Variants in PAK3 observed in about 807,000 individuals in gnomAD.
PAK3 encodes p21 (RAC1) activated kinase 3, also known as serine/threonine-protein kinase PAK 3.
Under a neutral mutation model 41.0 loss-of-function variants are expected in PAK3, and 4 were observed. The ratio of observed to expected loss-of-function variants is 0.10; its 90% confidence interval spans 0.05 to 0.22. The LOEUF (loss-of-function observed/expected upper bound fraction) is 0.22, where lower values mean the gene tolerates loss of function less well. Ranked by LOEUF, PAK3 falls within the 10% of genes least tolerant of loss-of-function variation. The pLI is 1.00. For missense variants in PAK3, 205 were observed against 409.9 expected (o/e 0.50, Z 4.32); for synonymous variants, 146 against 139.6 (o/e 1.05, Z -0.32).
intron 1 of PAK3, among the ~76,000 whole-genome samples, chrX:111,071,928 A>C (rs1046648918): frequency 4.5e-5 from 5 of 112,113 alleles, no homozygotes; most frequent in African/African-American, 1.6e-4. Flanking sequence ...GTGACAAATG[A>C]TATCACCAAG....
In PAK3 at chrX:111,224,790, A is replaced by C. The variant is rs2094945380; in HGVS notation, c.*4343A>C. 8.9e-6 allele frequency: 1 copy of C among 112,534 alleles called. No homozygotes were observed. Among genetic ancestry groups the C allele is most frequent in the Admixed American group, 9.4e-5 (1 of 10,650 alleles). The allele number at this position is 112,534 out of a possible 1,213,427, so 9.3% of individuals were successfully genotyped here. ...TTTAATAATGAGGTAGTCACCTCAG[A>C]TATGCTGCTTAGTTTCACTAAAAGC... is the stretch of plus-strand genomic sequence containing the variant. On this transcript the variant is annotated 3_prime_UTR_variant, in exon 18 of 18. Transcript: ENST00000372007.
chrX:111,145,259 G>T (rs1420776257), intron 6 of PAK3, among the ~76,000 whole-genome samples: 1 of 112,325 alleles, frequency 8.9e-6, no homozygotes, highest in Non-Finnish European at 1.9e-5. Context: ...TGTCAGCAGT[G>T]TAGTCAAAAT....
At chrX:111,000,422 ACT>A (rs776776233) in intron 1 of PAK3, among the ~76,000 whole-genome samples, 1 of 112,191 alleles carries the variant, frequency 8.9e-6, no homozygotes, top group East Asian at 2.8e-4. Flanking sequence ...ATTGAGGGAA[ACT>A]CTACAAAATA....
At chrX:111,193,777 AC>A (rs2094584829) in intron 13 of PAK3, among the ~76,000 whole-genome samples, 1 of 92,017 alleles carries the variant, frequency 1.1e-5, no homozygotes, top group Admixed American at 1.1e-4. Flanking sequence ...AAAAACAAAA[AC>A]AAAAAAAAAC....
intron 16 of PAK3, among the ~76,000 whole-genome samples, chrX:111,206,148 C>A (rs1363594175): frequency 9.0e-6 from 1 of 111,223 alleles, no homozygotes; most frequent in African/African-American, 3.3e-5. Context: ...TTCTCTTTGT[C>A]CTCATTCCAC....
At chrX:111,155,247 T>C (rs914918494) in intron 8 of PAK3, among the ~76,000 whole-genome samples, 1 of 110,721 alleles carries the variant, frequency 9.0e-6, no homozygotes, top group Non-Finnish European at 1.9e-5. Flanking sequence ...ATGCCTGTAA[T>C]CCCAGCACTG....
chrX:111,026,495 C>G (rs1013030577), intron 1 of PAK3, among the ~76,000 whole-genome samples: 12 of 111,438 alleles, frequency 1.1e-4, no homozygotes, highest in African/African-American at 3.6e-4. Flanking sequence ...ATCAGTATCT[C>G]TGCTATACAC....
chrX:110,993,159 G>A (rs1389318350), intron 1 of PAK3, among the ~76,000 whole-genome samples: 1 of 111,625 alleles, frequency 9.0e-6, no homozygotes, highest in Non-Finnish European at 1.9e-5. Context: ...CTAAAATTGT[G>A]CTCTGTTTTT....
At chrX:110,968,101 G>A (rs538914074) in intron 1 of PAK3, among the ~76,000 whole-genome samples, 9 of 112,487 alleles carry the variant, frequency 8.0e-5, no homozygotes, top group African/African-American at 2.9e-4. Flanking sequence ...TTTGAGACTA[G>A]CTATTTTTAC....
At chrX:111,173,546 T>C (rs2094371414) in intron 11 of PAK3, among the ~76,000 whole-genome samples, 1 of 111,243 alleles carries the variant, frequency 9.0e-6, no homozygotes, top group African/African-American at 3.3e-5. Flanking sequence ...CAGAGTTGAC[T>C]ATCTGAGTAT....
intron 1 of PAK3, among the ~76,000 whole-genome samples, chrX:111,067,307 C>A (rs920844338): frequency 9.0e-6 from 1 of 111,455 alleles, no homozygotes; most frequent in Non-Finnish European, 1.9e-5. Flanking sequence ...CTTTATATTG[C>A]CCGAGTAAGT....
chrX:110,985,671 G>C (rs967347247), intron 1 of PAK3, among the ~76,000 whole-genome samples: 3 of 111,934 alleles, frequency 2.7e-5, no homozygotes, highest in Non-Finnish European at 5.6e-5. Flanking sequence ...ATAATAATCA[G>C]TATAACCAGC....
upstream of PAK3, among the ~76,000 whole-genome samples, chrX:111,095,819 A>AAT (rs2092972538): frequency 9.0e-6 from 1 of 110,781 alleles, no homozygotes; most frequent in African/African-American, 3.3e-5. Context: ...AGCTGTACAG[A>AAT]TTTCGTCCCC....
chrX:110,988,696 C>T (rs1050840100), intron 1 of PAK3, among the ~76,000 whole-genome samples: 1 of 111,979 alleles, frequency 8.9e-6, no homozygotes, highest in Non-Finnish European at 1.9e-5. Flanking sequence ...CCTCTCTCCC[C>T]ATCTCTCCCA....
rs189776488 is a variant in PAK3, at chrX:111,194,886, T to A, written c.1110+468T>A. On this transcript the variant is annotated intron_variant, in intron 14 of 17. Transcript: ENST00000372007. Reference sequence around the variant, plus strand: ...GAAAGCAGTTGCTTTCACAGTACAATCTGAACTTCCCTTACAGCCCCCAAG... The same window carrying A: ...GAAAGCAGTTGCTTTCACAGTACAAACTGAACTTCCCTTACAGCCCCCAAG... Among the ~76,000 whole-genome samples, 209 of 112,527 alleles carry A rather than the reference T, an allele frequency of 1.9e-3. 1 individual carries two copies. Among genetic ancestry groups the A allele is most frequent in the African/African-American group, 6.6e-3 (204 of 31,048 alleles).
At chrX:111,206,021 A>G (rs754341553) in intron 16 of PAK3, among the ~76,000 whole-genome samples, 1 of 111,468 alleles carries the variant, frequency 9.0e-6, no homozygotes, top group Non-Finnish European at 1.9e-5. Context: ...AAGTATACAC[A>G]GTATTTTGAG....
chrX:111,175,864 A>G lies in PAK3; in HGVS notation c.830+2783A>G, dbSNP rs1361689109. 2.8e-4 allele frequency among the ~76,000 whole-genome samples: 31 copies of G among 111,842 alleles called. No individual in the cohort carries two copies. The Admixed American group carries it at 2.9e-3, about 11-fold the overall frequency. On this transcript the variant is annotated intron_variant, in intron 11 of 17. Coordinates refer to ENST00000372007, the MANE Select transcript of PAK3 (RefSeq NM_002578.5). ...GTTCTCTATCTCTGAGTCTCTTTGT[A>G]CAGTCTTCACAACCTAAAATGAAAA...
intron 10 of PAK3, among the ~76,000 whole-genome samples, chrX:111,168,847 G>A (rs898106992): frequency 1.8e-5 from 2 of 111,207 alleles, no homozygotes; most frequent in Non-Finnish European, 3.8e-5. Flanking sequence ...ATAAAATTAT[G>A]GCTTCAAGTG....
intron 16 of PAK3, among the ~76,000 whole-genome samples, chrX:111,211,690 A>G (rs1466888947): frequency 9.1e-6 from 1 of 109,337 alleles, no homozygotes; most frequent in Non-Finnish European, 1.9e-5. Context: ...AAAAAAAAAA[A>G]AGAAAGAAAA....
Sources: gnomAD v4.1 joint callset for allele counts (sites outside exome capture counted in the v4.1 genomes callset) on GRCh38, gnomAD v4.1.1 for gene constraint, MANE v1.5 for transcripts, NCBI Gene and HGNC (gene_info 2026-07-23, HGNC 2026-07-21) for gene names.